Variants in TLN2 observed in about 807,000 individuals in gnomAD.
The protein encoded by TLN2 is talin 2.
Under a neutral mutation model 294.7 loss-of-function variants are expected in TLN2, and 118 were observed. That is an observed-to-expected ratio of 0.40 (90% CI 0.34 to 0.47). TLN2 has a LOEUF of 0.47. TLN2 is among the 20% of genes least tolerant of loss of function. The pLI is 0.84. For synonymous variants in TLN2, 1,431 were observed against 1,304.5 expected, an observed-to-expected ratio of 1.10 and a Z score of -2.09; for missense variants, 3,083 against 3,282.2, an observed-to-expected ratio of 0.94 and a Z score of 1.48.
intron 22 of TLN2, among the ~76,000 whole-genome samples, chr15:62,712,660 T>C (rs754382621): frequency 1.3e-4 from 20 of 152,180 alleles, no homozygotes; most frequent in Non-Finnish European, 2.5e-4. Flanking sequence ...GTGGAACATA[T>C]TAAAATGCAC....
At chr15:62,740,378 C>T (rs1015065095) in intron 31 of TLN2, 5 of 420,884 alleles carry the variant, frequency 1.2e-5, no homozygotes, top group Non-Finnish European at 1.3e-5. Flanking sequence ...GTGAGAAAAG[C>T]ACAGCTCTTG....
intron 2 of TLN2, among the ~76,000 whole-genome samples, chr15:62,603,296 A>G (rs1044740232): frequency 6.6e-6 from 1 of 151,998 alleles, no homozygotes; most frequent in Non-Finnish European, 1.5e-5. Flanking sequence ...TTTTTTTTTA[A>G]AATGTGTGTA....
At chr15:62,721,077 A>G (rs1378379312) in intron 25 of TLN2, among the ~76,000 whole-genome samples, 2 of 151,174 alleles carry the variant, frequency 1.3e-5, no homozygotes, top group African/African-American at 4.9e-5. Flanking sequence ...TCCTGGTTCC[A>G]CTCTGTCCCT....
intron 3 of TLN2, among the ~76,000 whole-genome samples, chr15:62,629,902 C>T (rs1374564134): frequency 6.6e-6 from 1 of 152,164 alleles, no homozygotes; most frequent in Non-Finnish European, 1.5e-5. Context: ...TTAGAAAATA[C>T]ATGAGCATTT....
chr15:62,708,050 T>C (rs923160273), intron 20 of TLN2, among the ~76,000 whole-genome samples: 2 of 151,936 alleles, frequency 1.3e-5, no homozygotes, highest in East Asian at 1.9e-4. Context: ...TACAAGGAAC[T>C]GACAGAACCC....
intron 1 of TLN2, among the ~76,000 whole-genome samples, chr15:62,519,661 G>T (rs940115918): frequency 7.9e-5 from 12 of 152,332 alleles, no homozygotes; most frequent in African/African-American, 2.9e-4. Context: ...GGTCTTGTCA[G>T]TGGTGTATGC....
chr15:62,492,926 A>ACGTT (rs1276039079), intron 1 of TLN2, among the ~76,000 whole-genome samples: 2 of 152,200 alleles, frequency 1.3e-5, no homozygotes, highest in Non-Finnish European at 2.9e-5. Flanking sequence ...GTAGCCCAGG[A>ACGTT]CGTTCTGGCT....
At chr15:62,508,523 A>G (rs1425109451) in intron 1 of TLN2, among the ~76,000 whole-genome samples, 3 of 152,170 alleles carry the variant, frequency 2.0e-5, no homozygotes, top group Non-Finnish European at 4.4e-5. Flanking sequence ...CCAAAGCCCT[A>G]TAGATGATTT....
chr15:62,660,859 A>G (rs2053740168), intron 9 of TLN2, among the ~76,000 whole-genome samples: 1 of 152,204 alleles, frequency 6.6e-6, no homozygotes, highest in South Asian at 2.1e-4. Flanking sequence ...AGTATATGAA[A>G]TGGTTATTAT....
intron 1 of TLN2, among the ~76,000 whole-genome samples, chr15:62,497,771 A>G (rs1244319648): frequency 3.9e-5 from 6 of 152,234 alleles, no homozygotes; most frequent in East Asian, 1.9e-4. Context: ...ATAGCTCTAA[A>G]TTTTTTTAAG....
rs553330269 is a variant in TLN2 at position 62,586,665 on chromosome 15, AAAAT to A, written c.-237-3017_-237-3014del. On this transcript the variant is annotated intron_variant, in intron 1 of 58. Coordinates refer to ENST00000636159, the MANE Select transcript of TLN2 (RefSeq NM_015059.3). The stretch of plus-strand genomic sequence containing the variant: ...TTTCATATATAAATATAACCCAATA[AAAAT>A]AAATCTGTGAAGTGGTTACACATGT... 1.5e-3 allele frequency among the ~76,000 whole-genome samples: 231 copies of A among 152,358 alleles called. 1 individual carries two copies. Among genetic ancestry groups the A allele is most frequent in the African/African-American group, 5.2e-3 (218 of 41,590 alleles).
At chr15:62,710,648 A>G (rs930806532) in intron 21 of TLN2, among the ~76,000 whole-genome samples, 1 of 150,294 alleles carries the variant, frequency 6.7e-6, no homozygotes, top group African/African-American at 2.4e-5. Flanking sequence ...GGAAATTAGC[A>G]TTGGTATTTT....
At chr15:62,632,621 T>A (rs1284584874) in intron 3 of TLN2, among the ~76,000 whole-genome samples, 1 of 152,252 alleles carries the variant, frequency 6.6e-6, no homozygotes, top group East Asian at 1.9e-4. Flanking sequence ...ACCAGCCTTA[T>A]TCCATCTTGT....
intron 9 of TLN2, among the ~76,000 whole-genome samples, chr15:62,669,796 C>T (rs956756234): frequency 1.3e-5 from 2 of 152,292 alleles, no homozygotes; most frequent in East Asian, 3.9e-4. Flanking sequence ...TGACACCCTG[C>T]CTGCTCCGTG....
At chr15:62,541,124 C>T (rs2041659622) in intron 1 of TLN2, among the ~76,000 whole-genome samples, 1 of 152,094 alleles carries the variant, frequency 6.6e-6, no homozygotes, top group South Asian at 2.1e-4. Context: ...GGTAGGTAAT[C>T]AAGAGTCACC....
Position 62,835,809 on chromosome 15 carries a change from C to G in TLN2, c.7191+10C>G. ...GGGGCTGATTTCTGCTGTGAGTTGCCTTCTCCTTCCTCCCAGTTTGCTTTT... is the reference window on the plus strand; with the variant it reads ...GGGGCTGATTTCTGCTGTGAGTTGCGTTCTCCTTCCTCCCAGTTTGCTTTT... On this transcript the variant is annotated intron_variant, in intron 56 of 58. Transcript: ENST00000636159. 1 of 1,614,234 alleles carries G rather than the reference C, an allele frequency of 6.2e-7. No individual in the cohort carries two copies. The highest frequency in any genetic ancestry group is 8.5e-7 in the Non-Finnish European group (1 of 1,180,040).
intron 54 of TLN2, chr15:62,832,863 T>C (rs926016342): frequency 6.6e-6 from 1 of 152,200 alleles, no homozygotes; most frequent in Non-Finnish European, 1.5e-5. Context: ...AAGTCCATTT[T>C]TGAGGCTTAG....
intron 1 of TLN2, among the ~76,000 whole-genome samples, chr15:62,394,028 G>A (rs1048716639): frequency 4.6e-5 from 7 of 152,176 alleles, no homozygotes; most frequent in African/African-American, 1.4e-4. Flanking sequence ...CACCCGCCTC[G>A]GCCTCCCAGA....
At chr15:62,582,233 C>CAT (rs1293436127) in intron 1 of TLN2, among the ~76,000 whole-genome samples, 4 of 108,530 alleles carry the variant, frequency 3.7e-5, no homozygotes, top group East Asian at 2.5e-4. Flanking sequence ...CACACACACA[C>CAT]ACACACACAC....
Sources: allele counts gnomAD v4.1 joint callset (sites outside exome capture counted in the v4.1 genomes callset), GRCh38; gene constraint gnomAD v4.1.1; transcripts MANE v1.5; gene names NCBI Gene and HGNC (gene_info 2026-07-23, HGNC 2026-07-21).